PLEKHG5: variants seen among roughly 807,000 people sequenced by gnomAD.
PLEKHG5 encodes pleckstrin homology and RhoGEF domain containing G5, also known as pleckstrin homology domain-containing family G member 5.
A neutral mutation model predicts 103.8 loss-of-function variants in PLEKHG5; 52 were observed. The observed-to-expected ratio is 0.50, with a 90% CI of 0.40 to 0.63. The LOEUF is 0.63. Among genes scored for constraint, PLEKHG5 ranks in the 30% least tolerant of loss-of-function variants. PLEKHG5 has a pLI of 0.00. For synonymous variants in PLEKHG5, 592 were observed against 575.5 expected (o/e 1.03, Z -0.41); for missense variants, 1,205 against 1,347.6 (o/e 0.89, Z 1.66).
At position 6,467,252 on chromosome 1, in the gene PLEKHG5, G is replaced by C; in HGVS notation, c.*311C>G. The C allele has an allele frequency of 1.8e-6, 1 of 544,194 alleles. No homozygotes were observed. Among genetic ancestry groups the C allele is most frequent in the South Asian group, 2.0e-5 (1 of 50,208 alleles). 33.7% of individuals were successfully genotyped at this position (544,194 alleles called of 1,614,324 possible). On this transcript the variant is annotated 3_prime_UTR_variant, in exon 21 of 21. Coordinates refer to ENST00000377728, the MANE Select transcript of PLEKHG5 (RefSeq NM_020631.6). ...GGCAGGGCAGGAGTGAATCCCACTG[G>C]AGGCCAGTGAGGGTAGAAGTAGGAT...
At chr1:6,475,193 C>A in intron 4 of PLEKHG5, 55 bp from the exon 5 acceptor site, 1 of 953,736 alleles carries the variant, frequency 1.0e-6, no homozygotes, top group Non-Finnish European at 1.7e-6. Flanking sequence ...CCCTCATTCC[C>A]GCCCTCCTCC....
Position 6,516,749 on chromosome 1 carries a change from G to A in PLEKHG5, c.-165+2696C>T, listed in dbSNP as rs1403482339. On this transcript the variant is annotated intron_variant, in intron 1 of 21. Coordinates refer to the PLEKHG5 transcript ENST00000377740. ...TATATATGTGTGTATATATATGTGT[G>A]TGTGTATATATATATGTGTATATAT... is the stretch of plus-strand genomic sequence containing the variant. Among the ~76,000 whole-genome samples, 8 of 92,284 alleles carry A rather than the reference G, an allele frequency of 8.7e-5. No individual in the cohort carries two copies. In the East Asian group the frequency reaches 2.4e-3, roughly 27 times the overall value. The allele number at this position is 92,284 out of a possible 152,430, so 60.5% of individuals were successfully genotyped here.
In PLEKHG5 at chr1:6,518,286, C is replaced by T. The variant is rs967357713; in HGVS notation, c.-165+1159G>A. 1.2e-3 allele frequency among the ~76,000 whole-genome samples: 186 copies of T among 150,518 alleles called. 3 individuals carry two copies. Among genetic ancestry groups the T allele is most frequent in the Non-Finnish European group, 1.0e-4 (7 of 67,674 alleles). On this transcript the variant is annotated intron_variant, in intron 1 of 21. Coordinates refer to the PLEKHG5 transcript ENST00000377740. ...GAAAATATGGATGTGCAGGGCCAGA[C>T]GCGGTGGCTCACGCCTGTAATCCCA...
Position 6,470,576 on chromosome 1 carries a change from C to G in PLEKHG5, c.1610G>C (p.Arg537Pro). Residue 537 changes from arginine to proline, a missense_variant, in exon 15 of 21, where the codon CGG (arginine) becomes CCG (proline). Arg to Pro is a moderately radical substitution (Grantham distance 103). Coordinates refer to ENST00000377728, the MANE Select transcript of PLEKHG5 (RefSeq NM_020631.6). ...GATGCGGCTCACCACGGCCGCCAGC[C>G]GCTGCCGCTCCTGCCGCTGCCGCAT... ...ACMRQRQERQ[R>P]LAAVVSRIDA... 6.3e-7 allele frequency: 1 copy of G among 1,589,828 alleles called. No individual in the cohort carries two copies.
chr1:6,467,494 CG>C lies in PLEKHG5; in HGVS notation c.*68del. On this transcript the variant is annotated 3_prime_UTR_variant, in exon 21 of 21. Transcript: ENST00000377728. ...AGGAGGCAGTAGCTGAAGCAGGTGC[CG>C]GCACGCCCCAGGAGGCAGGCTGTCT... The C allele has an allele frequency of 6.6e-7, 1 of 1,504,392 alleles. No individual in the cohort carries two copies. The highest frequency in any genetic ancestry group is 1.1e-5 in the South Asian group (1 of 88,822). 93.2% of individuals were successfully genotyped at this position (1,504,392 alleles called of 1,614,324 possible).
At chr1:6,467,765 G>A (rs45463998) in intron 20 of PLEKHG5, 60 bp downstream of exon 20, 5 of 1,584,916 alleles carry the variant, frequency 3.2e-6, no homozygotes, top group Middle Eastern at 1.7e-4. Flanking sequence ...TCCCAGGCAT[G>A]AGTGGGCCCC....
chr1:6,483,889 C>T (rs1290508792), intron 1 of PLEKHG5, among the ~76,000 whole-genome samples: 1 of 152,240 alleles, frequency 6.6e-6, no homozygotes, highest in African/African-American at 2.4e-5. Context: ...CTCCGCAGCC[C>T]TCTGGCCCTC....
rs943584 is a variant in PLEKHG5 at position 6,469,688 on chromosome 1, G to T, written c.1801-12C>A. 0.076 allele frequency: 121,929 copies of T among 1,610,800 alleles called. 5,658 individuals are homozygous for T. Among genetic ancestry groups the T allele is most frequent in the African/African-American group, 0.21 (15,953 of 74,954 alleles). ...CAGTACACATCCATCTGCAGTGGCA[G>T]GAGGGGGGGTGGCCAGAGAGGCCAG... On this transcript the variant is annotated splice_polypyrimidine_tract_variant and intron_variant, in intron 16 of 20. Transcript: ENST00000377728.
At chr1:6,499,677 C>G (rs1471199638), upstream of PLEKHG5, among the ~76,000 whole-genome samples, 1 of 152,124 alleles carries the variant, frequency 6.6e-6, no homozygotes, top group Non-Finnish European at 1.5e-5. Flanking sequence ...GTCATGAGCT[C>G]TCCTGCAGGT....
Position 6,491,645 on chromosome 1 carries a change from C to T in PLEKHG5, c.-96G>A, listed in dbSNP as rs1042531521. 2.7e-5 allele frequency: 27 copies of T among 985,054 alleles called. No homozygotes were observed. The highest frequency in any genetic ancestry group is 6.2e-5 in the Admixed American group (1 of 16,260). 61.0% of individuals were successfully genotyped at this position (985,054 alleles called of 1,614,324 possible). Reference sequence around the variant, plus strand: ...CCTCTCCCATTACTCACATCCTGCCCGTCCCTTCTCCATGGGGGCCTCAGG... The same window carrying T: ...CCTCTCCCATTACTCACATCCTGCCTGTCCCTTCTCCATGGGGGCCTCAGG... On this transcript the variant is annotated 5_prime_UTR_variant, in exon 1 of 21. Transcript: ENST00000377728. This position sits in a 1 kb window ranked among gnomAD's most constrained non-coding sequence, Gnocchi z 4.1.
In PLEKHG5 at chr1:6,472,551, G is replaced by C. The variant is rs2148587124; in HGVS notation, c.1056C>G (p.Ile352Met). The change falls in exon 10 of 21, where the codon ATC becomes ATG. Residue 352 changes from isoleucine (I) to methionine (M), a missense_variant. Transcript: ENST00000377728. Reference sequence around the variant, plus strand: ...CGTTGATGATCACCCGCAGTTTCCTGATGTAGGAGGCCTCCGTGTGCAGCA... The same window carrying C: ...CGTTGATGATCACCCGCAGTTTCCTCATGTAGGAGGCCTCCGTGTGCAGCA... ...WELLHTEASY[I>M]RKLRVIINLF... 1.2e-6 allele frequency: 2 copies of C among 1,613,394 alleles called. No individual in the cohort carries two copies. Among genetic ancestry groups the C allele is most frequent in the Non-Finnish European group, 1.7e-6 (2 of 1,179,580 alleles).
chr1:6,503,146 C>T (rs1645314594), intron 1 of PLEKHG5, among the ~76,000 whole-genome samples: 1 of 152,186 alleles, frequency 6.6e-6, no homozygotes, highest in South Asian at 2.1e-4. Flanking sequence ...GACATGGTGG[C>T]TTATACCCAT....
intron 1 of PLEKHG5, among the ~76,000 whole-genome samples, chr1:6,504,829 A>G (rs1638261270): frequency 6.6e-6 from 1 of 152,152 alleles, no homozygotes; most frequent in Admixed American, 6.5e-5. Flanking sequence ...TCGGCCTCCC[A>G]AAGTGCTGGG....
In PLEKHG5 at chr1:6,490,539, G is replaced by A. The variant is rs566318429; in HGVS notation, c.-88+1098C>T. 1 of 985,486 alleles carries A rather than the reference G, an allele frequency of 1.0e-6. No homozygotes were observed. Among genetic ancestry groups the A allele is most frequent in the Admixed American group, 6.1e-5 (1 of 16,282 alleles). The allele number at this position is 985,486 out of a possible 1,614,324, so 61.0% of individuals were successfully genotyped here. A position where few individuals can be genotyped will look rare whatever the true frequency, so the allele number is the denominator to read the frequency against. Reference sequence around the variant, plus strand: ...CTCATGGGGCGCGCGGGGAGAGGGGGACGGGAGCCGCGGGACGGGCTCAGT... The same window carrying A: ...CTCATGGGGCGCGCGGGGAGAGGGGAACGGGAGCCGCGGGACGGGCTCAGT... On this transcript the variant is annotated intron_variant, in intron 1 of 20. Coordinates refer to ENST00000377728, the MANE Select transcript of PLEKHG5 (RefSeq NM_020631.6). The surrounding 1 kb of genome is among the most constrained non-coding windows in gnomAD (Gnocchi z 8.0).
At chr1:6,489,980 C>T (rs1645116860) in intron 1 of PLEKHG5, among the ~76,000 whole-genome samples, 1 of 152,222 alleles carries the variant, frequency 6.6e-6, no homozygotes, top group Non-Finnish European at 1.5e-5. Context: ...GGGTCTCCCG[C>T]ATCCCCCACC....
intron 6 of PLEKHG5, 79 bp downstream of exon 6, chr1:6,474,372 C>G (rs1644694321): frequency 6.4e-7 from 1 of 1,559,960 alleles, no homozygotes; most frequent in South Asian, 1.1e-5. Context: ...CCAATGGGAA[C>G]CTGAGCCTGG....
At chr1:6,494,118 ATTTTTT>A (rs36105555), upstream of PLEKHG5, among the ~76,000 whole-genome samples, 1 of 75,722 alleles carries the variant, frequency 1.3e-5, no homozygotes, top group African/African-American at 1.0e-4. Flanking sequence ...CACCTGGCTA[ATTTTTT>A]TTTTTTTTTT....
At chr1:6,510,125 C>T (rs1174769737) in intron 1 of PLEKHG5, among the ~76,000 whole-genome samples, 1 of 152,194 alleles carries the variant, frequency 6.6e-6, no homozygotes, top group Non-Finnish European at 1.5e-5. Flanking sequence ...TGAGAAGCAC[C>T]CAGGCAGCCA....
intron 1 of PLEKHG5, among the ~76,000 whole-genome samples, chr1:6,510,029 G>T (rs1638432108): frequency 6.6e-6 from 1 of 152,186 alleles, no homozygotes; most frequent in South Asian, 2.1e-4. Flanking sequence ...GTCTGAGGAG[G>T]CCTGTCTGGA....
Sources: gnomAD v4.1 joint callset for allele counts (sites outside exome capture counted in the v4.1 genomes callset) on GRCh38, gnomAD v4.1.1 for gene constraint, Gnocchi (gnomAD v3.1) non-coding constraint, MANE v1.5 for transcripts, NCBI Gene and HGNC (gene_info 2026-07-23, HGNC 2026-07-21) for gene names.